BRPF3: variants seen among roughly 807,000 people sequenced by gnomAD.
BRPF3 encodes the protein bromodomain and PHD finger containing 3, also known as bromodomain and PHD finger-containing protein 3.
In BRPF3, 18 loss-of-function variants were observed where a neutral mutation model predicts 102.0. The observed-to-expected ratio is 0.18, with a 90% CI of 0.12 to 0.26. The LOEUF is 0.26. BRPF3 is among the 10% of genes least tolerant of loss of function. BRPF3 has a pLI of 1.00. For missense variants in BRPF3, 1,147 were observed against 1,567.8 expected, an observed-to-expected ratio of 0.73 and a Z score of 4.53; for synonymous variants, 570 against 614.2, an observed-to-expected ratio of 0.93 and a Z score of 1.06.
At position 36,212,916 on chromosome 6, in the gene BRPF3, G is replaced by A. The variant is rs911095926; in HGVS notation, c.2483-964G>A. Among the ~76,000 whole-genome samples the A allele has an allele frequency of 6.4e-4, 97 of 152,028 alleles. 1 individual carries two copies. Among genetic ancestry groups the A allele is most frequent in the African/African-American group, 2.2e-3 (93 of 41,460 alleles). On this transcript the variant is annotated intron_variant, in intron 7 of 12. Coordinates refer to ENST00000357641, the MANE Select transcript of BRPF3 (RefSeq NM_015695.3). ...TGCAGTGAGCCGAGATTGCGCCACT[G>A]TAGTCCGCAGTCCGGCCTGGGCGAC...
Position 36,208,638 on chromosome 6 carries a change from A to G in BRPF3, c.1738-1149A>G, listed in dbSNP as rs1465732133. On this transcript the variant is annotated intron_variant, in intron 4 of 12. Transcript: ENST00000357641. Reference sequence around the variant, plus strand: ...CATGGATGGCCATGGAGGACATCTCAGGACCTTCTTCAAGGGTTCAAAATG... The same window carrying G: ...CATGGATGGCCATGGAGGACATCTCGGGACCTTCTTCAAGGGTTCAAAATG... Among the ~76,000 whole-genome samples the G allele has an allele frequency of 7.9e-5, 12 of 152,322 alleles. No individual in the cohort carries two copies. In the South Asian group the frequency reaches 1.7e-3, roughly 21 times the overall value.
At chr6:36,203,368 A>G (rs73413695) in intron 2 of BRPF3, among the ~76,000 whole-genome samples, 10,785 of 152,298 alleles carry the variant, frequency 0.071, 689 homozygotes, top group African/African-American at 0.17. Flanking sequence ...GGCAAATAGT[A>G]AGTGCTCAAT....
intron 4 of BRPF3, among the ~76,000 whole-genome samples, chr6:36,208,426 A>G (rs1767980346): frequency 6.6e-6 from 1 of 152,238 alleles, no homozygotes. Context: ...GGTTGAGTCC[A>G]GGAGTTTGAG....
intron 1 of BRPF3, among the ~76,000 whole-genome samples, chr6:36,199,221 T>C (rs1767609910): frequency 6.6e-6 from 1 of 152,190 alleles, no homozygotes; most frequent in Non-Finnish European, 1.5e-5. Flanking sequence ...GATCAGCGGC[T>C]GCTTTGGATT....
chr6:36,229,643 G>A (rs1473078753), intron 12 of BRPF3, among the ~76,000 whole-genome samples: 1 of 152,178 alleles, frequency 6.6e-6, no homozygotes, highest in South Asian at 2.1e-4. Context: ...CTCATTTATG[G>A]TTTACAACAC....
chr6:36,223,351 C>T (rs1416611288), intron 10 of BRPF3, among the ~76,000 whole-genome samples: 2 of 152,194 alleles, frequency 1.3e-5, no homozygotes, highest in Admixed American at 6.5e-5. Context: ...AGGTCAGGCT[C>T]ATGTCTAAAT....
chr6:36,223,470 G>A (rs987126834), intron 10 of BRPF3, among the ~76,000 whole-genome samples: 4 of 152,168 alleles, frequency 2.6e-5, no homozygotes, highest in Admixed American at 2.6e-4. Context: ...CTAAAATTAC[G>A]CCAAAGGATA....
intron 3 of BRPF3, among the ~76,000 whole-genome samples, chr6:36,205,624 A>G (rs1320217617): frequency 6.6e-6 from 1 of 152,166 alleles, no homozygotes; most frequent in African/African-American, 2.4e-5. Context: ...TGCATTTGAC[A>G]CCACAAATGA....
chr6:36,204,920 C>T, intron 3 of BRPF3, 106 bp downstream of exon 3: 2 of 1,447,880 alleles, frequency 1.4e-6, no homozygotes, highest in East Asian at 2.3e-5. Context: ...CTCCATGGAG[C>T]CTTTGCCTAC....
Position 36,218,077 on chromosome 6 carries a change from A to G in BRPF3, c.3083+67A>G, listed in dbSNP as rs944663741. The stretch of plus-strand genomic sequence containing the variant: ...CCCTCCTTTTACTCTCCATTCAGCT[A>G]CAGATTGAACCTCTTCCTGCTTACC... On this transcript the variant is annotated intron_variant, in intron 9 of 12. Coordinates refer to ENST00000357641, the MANE Select transcript of BRPF3 (RefSeq NM_015695.3). The G allele has an allele frequency of 8.7e-6, 12 of 1,378,820 alleles. 1 individual carries two copies. The Admixed American group carries it at 1.1e-4, about 13-fold the overall frequency. 85.4% of individuals were successfully genotyped at this position (1,378,820 alleles called of 1,614,324 possible). A position where few individuals can be genotyped will look rare whatever the true frequency, so the allele number is the denominator to read the frequency against.
At chr6:36,227,538 C>T (rs1330143349) in intron 11 of BRPF3, among the ~76,000 whole-genome samples, 1 of 152,202 alleles carries the variant, frequency 6.6e-6, no homozygotes, top group Non-Finnish European at 1.5e-5. Flanking sequence ...GACTTACCCA[C>T]CTTGCTTTTG....
intron 8 of BRPF3, among the ~76,000 whole-genome samples, chr6:36,215,081 G>A (rs72848512): frequency 0.21 from 32,510 of 151,964 alleles, 4,253 homozygotes; most frequent in Middle Eastern, 0.3. Flanking sequence ...ATAGAGGTAG[G>A]TAGTGGAGGT....
rs545548021 is a variant in BRPF3, at chr6:36,201,847, G to A, written c.1448+77G>A. The A allele has an allele frequency of 3.0e-5, 45 of 1,514,228 alleles. No homozygotes were observed. The South Asian group carries it at 5.5e-4, about 18-fold the overall frequency. 93.8% of individuals were successfully genotyped at this position (1,514,228 alleles called of 1,614,324 possible). On this transcript the variant is annotated intron_variant, in intron 2 of 12. Transcript: ENST00000357641. This position sits in a 1 kb window ranked among gnomAD's most constrained non-coding sequence, Gnocchi z 5.1. ...GGTGTTGGCCCTGTGCCAGGCCTTCGCTAAACACAGTTGGACACTATATCC... is the reference window on the plus strand; with the variant it reads ...GGTGTTGGCCCTGTGCCAGGCCTTCACTAAACACAGTTGGACACTATATCC...
intron 2 of BRPF3, among the ~76,000 whole-genome samples, chr6:36,203,540 G>C (rs1561819445): frequency 2.0e-5 from 3 of 152,218 alleles, no homozygotes; most frequent in Non-Finnish European, 4.4e-5. Flanking sequence ...TCTGTCCTTT[G>C]GGGAGAGGCC....
At chr6:36,209,358 T>C (rs1156274331) in intron 4 of BRPF3, among the ~76,000 whole-genome samples, 2 of 152,228 alleles carry the variant, frequency 1.3e-5, no homozygotes, top group Non-Finnish European at 2.9e-5. Context: ...TAGCTATGAC[T>C]TTAGGCCAGT....
intron 9 of BRPF3, among the ~76,000 whole-genome samples, chr6:36,220,012 C>T (rs1271072737): frequency 6.6e-6 from 1 of 152,152 alleles, no homozygotes; most frequent in Non-Finnish European, 1.5e-5. Context: ...CACTAAGGTG[C>T]CTGTTCTCAT....
chr6:36,213,091 T>A (rs2127287875), intron 7 of BRPF3, among the ~76,000 whole-genome samples: 1 of 152,340 alleles, frequency 6.6e-6, no homozygotes, highest in East Asian at 1.9e-4. Flanking sequence ...ACTTGGGTGA[T>A]GTGAAATAAA....
At chr6:36,204,636 C>T in intron 2 of BRPF3, 22 bp from the exon 3 acceptor site, 2 of 1,614,218 alleles carry the variant, frequency 1.2e-6, no homozygotes, top group South Asian at 2.2e-5. Flanking sequence ...TTGTCTTTCA[C>T]TTCCGTGTGC....
rs1218919944 is a variant in BRPF3 at position 36,201,524 on chromosome 6, C to T, written c.1202C>T (p.Pro401Leu). The change falls in exon 2 of 13, where the codon CCT (proline) becomes CTT (leucine). Residue 401 changes from proline to leucine, a missense_variant. Physicochemically the swap from Pro to Leu is moderately conservative, Grantham distance 98 (BLOSUM62 -3). Around this residue, in one of 11 missense-constraint regions of BRPF3, gnomAD observed 157 missense variants for 163.6 expected, o/e 0.96. Transcript: ENST00000357641. This position sits in a 1 kb window ranked among gnomAD's most constrained non-coding sequence, Gnocchi z 5.1. ...ACTGCTAGGAGGAAGGGCGACTCCC[C>T]TAGAAGCATCAGTGAGACTGGCGAT... Reference protein sequence around the residue: ...AATARRKGDSPRSISETGDEE... With the variant: ...AATARRKGDSLRSISETGDEE... The T allele has an allele frequency of 6.2e-7, 1 of 1,613,972 alleles. No homozygotes were observed. Among genetic ancestry groups the T allele is most frequent in the African/African-American group, 1.3e-5 (1 of 74,912 alleles).
Sources: allele counts gnomAD v4.1 joint callset (sites outside exome capture counted in the v4.1 genomes callset), GRCh38; gene constraint gnomAD v4.1.1; regional missense constraint gnomAD v4.1.1; non-coding constraint Gnocchi (gnomAD v3.1); transcripts MANE v1.5; gene names NCBI Gene and HGNC (gene_info 2026-07-23, HGNC 2026-07-21).